PPP1R14C: variants seen among roughly 807,000 people sequenced by gnomAD.
PPP1R14C encodes protein phosphatase 1 regulatory inhibitor subunit 14C, also known as protein phosphatase 1 regulatory subunit 14C.
In PPP1R14C, 16 loss-of-function variants were observed where a neutral mutation model predicts 20.4. The ratio of observed to expected loss-of-function variants is 0.78; its 90% CI spans 0.53 to 1.19. The LOEUF (loss-of-function observed/expected upper bound fraction) is 1.19, where lower values mean the gene tolerates loss of function less well. Ranked by LOEUF, PPP1R14C falls within the 50% of genes most tolerant of loss-of-function variation. PPP1R14C has a pLI of 0.00. For missense variants in PPP1R14C, 211 were observed against 220.1 expected (o/e 0.96, Z 0.26); for synonymous variants, 91 against 91.0 (o/e 1.00, Z 0.00).
chr6:150,248,693 AAC>A, intron 3 of PPP1R14C, 51 bp from the exon 4 acceptor site: 4 of 1,266,940 alleles, frequency 3.2e-6, no homozygotes, highest in South Asian at 1.2e-5. Context: ...CAGATTTTTA[AAC>A]ACAGAATTTT....
At chr6:150,188,464 C>A (rs930303627) in intron 1 of PPP1R14C, among the ~76,000 whole-genome samples, 14 of 145,632 alleles carry the variant, frequency 9.6e-5, no homozygotes, top group African/African-American at 3.6e-4. Context: ...GGTGTGGGAA[C>A]AGAAGAACAG....
At chr6:150,209,294 C>T (rs769821753) in intron 1 of PPP1R14C, among the ~76,000 whole-genome samples, 5 of 152,232 alleles carry the variant, frequency 3.3e-5, no homozygotes, top group Non-Finnish European at 5.9e-5. Context: ...TTAGCTTGAA[C>T]ATTCCTGCCT....
At chr6:150,232,937 G>A (rs9478602) in intron 3 of PPP1R14C, among the ~76,000 whole-genome samples, 6,068 of 152,272 alleles carry the variant, frequency 0.04, 394 homozygotes, top group African/African-American at 0.14. Flanking sequence ...TTTGTTCAGG[G>A]CACACAAAAA....
intron 1 of PPP1R14C, among the ~76,000 whole-genome samples, chr6:150,186,627 C>T (rs17079395): frequency 0.015 from 2,234 of 152,246 alleles, 74 homozygotes; most frequent in Admixed American, 0.077. Context: ...AACATCATGG[C>T]GGCTCAGAGA....
chr6:150,230,478 G>A (rs370264153), intron 3 of PPP1R14C, among the ~76,000 whole-genome samples: 11 of 152,302 alleles, frequency 7.2e-5, no homozygotes, highest in East Asian at 1.9e-4. Flanking sequence ...GTGGATCCCA[G>A]CCTTTGGAAT....
At chr6:150,210,391 T>G (rs1375256497) in intron 1 of PPP1R14C, among the ~76,000 whole-genome samples, 1 of 152,228 alleles carries the variant, frequency 6.6e-6, no homozygotes, top group Non-Finnish European at 1.5e-5. Flanking sequence ...TGTTTATTCC[T>G]CCCTATTATC....
rs551460727 is a variant in PPP1R14C, at chr6:150,167,187, C to G, written c.306+23689C>G. 5.8e-4 allele frequency among the ~76,000 whole-genome samples: 88 copies of G among 151,206 alleles called. 1 individual carries two copies. The South Asian group carries it at 8.7e-3, about 15-fold the overall frequency. On this transcript the variant is annotated intron_variant, in intron 1 of 3. Coordinates refer to ENST00000361131, the MANE Select transcript of PPP1R14C (RefSeq NM_030949.3). ...TTTGAGACCAGCCTGGCCAACATGGCAAACCCCATCTCTACTAAAAATACA... is the reference window on the plus strand; with the variant it reads ...TTTGAGACCAGCCTGGCCAACATGGGAAACCCCATCTCTACTAAAAATACA...
At chr6:150,167,799 G>C (rs1777440055) in intron 1 of PPP1R14C, among the ~76,000 whole-genome samples, 1 of 152,104 alleles carries the variant, frequency 6.6e-6, no homozygotes, top group Admixed American at 6.5e-5. Context: ...GACCCCAAAG[G>C]CAGGCACACG....
chr6:150,218,481 C>A (rs561102720), intron 3 of PPP1R14C, among the ~76,000 whole-genome samples: 35 of 117,104 alleles, frequency 3.0e-4, no homozygotes, highest in Admixed American at 9.0e-4. Context: ...TGAACCCCCC[C>A]CCCCAAAAAA....
intron 3 of PPP1R14C, among the ~76,000 whole-genome samples, chr6:150,243,689 T>C (rs1396152457): frequency 6.6e-6 from 1 of 152,100 alleles, no homozygotes; most frequent in Admixed American, 6.5e-5. Context: ...ACAAAAGAAA[T>C]GGAAGCATAT....
chr6:150,155,047 G>A (rs1434366278), intron 1 of PPP1R14C, among the ~76,000 whole-genome samples: 1 of 152,140 alleles, frequency 6.6e-6, no homozygotes, highest in Non-Finnish European at 1.5e-5. Flanking sequence ...TTAACTAATG[G>A]TGGTATTTAT....
At chr6:150,172,989 T>C (rs532487272) in intron 1 of PPP1R14C, among the ~76,000 whole-genome samples, 4 of 152,274 alleles carry the variant, frequency 2.6e-5, no homozygotes, top group South Asian at 4.1e-4. Flanking sequence ...TCCCTCTTCA[T>C]TGATGATGTG....
At chr6:150,208,402 T>C (rs1777980540) in intron 1 of PPP1R14C, among the ~76,000 whole-genome samples, 2 of 152,194 alleles carry the variant, frequency 1.3e-5, no homozygotes, top group Non-Finnish European at 2.9e-5. Flanking sequence ...TCTGACATTA[T>C]ATAGTGATGT....
chr6:150,179,476 G>A (rs535099657), intron 1 of PPP1R14C, among the ~76,000 whole-genome samples: 4 of 152,160 alleles, frequency 2.6e-5, no homozygotes, highest in African/African-American at 9.6e-5. Context: ...TCTATATAGC[G>A]AGGGTAACAG....
At chr6:150,200,348 C>T (rs930536179) in intron 1 of PPP1R14C, among the ~76,000 whole-genome samples, 1 of 152,104 alleles carries the variant, frequency 6.6e-6, no homozygotes, top group East Asian at 1.9e-4. Context: ...TCGGCTACCC[C>T]TCATGGTGCC....
At chr6:150,193,422 T>A (rs1053646807) in intron 1 of PPP1R14C, among the ~76,000 whole-genome samples, 3 of 152,004 alleles carry the variant, frequency 2.0e-5, no homozygotes, top group African/African-American at 7.3e-5. Flanking sequence ...TTTATTAGAA[T>A]TGGAGTGTGT....
intron 3 of PPP1R14C, among the ~76,000 whole-genome samples, chr6:150,221,275 C>T (rs1778163397): frequency 6.6e-6 from 1 of 152,208 alleles, no homozygotes; most frequent in African/African-American, 2.4e-5. Flanking sequence ...GTTTGGGTAG[C>T]TTGCCCGTAA....
At chr6:150,197,486 A>G (rs1777819152) in intron 1 of PPP1R14C, among the ~76,000 whole-genome samples, 2 of 152,204 alleles carry the variant, frequency 1.3e-5, no homozygotes, top group Admixed American at 1.3e-4. Context: ...GGGGTCGGTG[A>G]GATTAGTGAG....
In PPP1R14C at chr6:150,185,692, G is replaced by A. The variant is rs1248918823; in HGVS notation, c.307-29052G>A. On this transcript the variant is annotated intron_variant, in intron 1 of 3. Coordinates refer to ENST00000361131, the MANE Select transcript of PPP1R14C (RefSeq NM_030949.3). The surrounding 1 kb of genome is among the most constrained non-coding windows in gnomAD (Gnocchi z 4.1). ...CAGTGACAAATCAGCTCTGTGTGTC[G>A]GTGAGGATAGGCGAGGCTATGTTAC... Among the ~76,000 whole-genome samples the A allele has an allele frequency of 5.3e-5, 8 of 152,028 alleles. No individual in the cohort carries two copies. The highest frequency in any genetic ancestry group is 5.2e-4 in the Admixed American group (8 of 15,264).
Sources: allele counts gnomAD v4.1 joint callset (sites outside exome capture counted in the v4.1 genomes callset), GRCh38; gene constraint gnomAD v4.1.1; non-coding constraint Gnocchi (gnomAD v3.1); transcripts MANE v1.5; gene names NCBI Gene and HGNC (gene_info 2026-07-23, HGNC 2026-07-21).